ASTL: variants seen among roughly 807,000 people sequenced by gnomAD.
ASTL encodes astacin-like metalloendopeptidase.
A neutral mutation model predicts 36.7 loss-of-function variants in ASTL; 27 were observed. The ratio of observed to expected loss-of-function variants is 0.73; its 90% confidence interval spans 0.54 to 1.01. ASTL has a LOEUF of 1.01. Ranked by LOEUF, ASTL falls within the 50% of genes least tolerant of loss-of-function variation. The pLI, the probability that ASTL is intolerant of heterozygous loss-of-function variation, is 0.00. For synonymous variants in ASTL, 222 were observed against 228.1 expected, an observed-to-expected ratio of 0.97 and a Z score of 0.24; for missense variants, 524 against 572.8, an observed-to-expected ratio of 0.91 and a Z score of 0.87.
At position 96,122,906 on chromosome 2, in the gene ASTL, A is replaced by T. The variant is rs1681986693; in HGVS notation, c.*944T>A. Among the ~76,000 whole-genome samples, 1 of 152,214 alleles carries T rather than the reference A, an allele frequency of 6.6e-6. No homozygotes were observed. The highest frequency in any genetic ancestry group is 6.5e-5 in the Admixed American group (1 of 15,288). On this transcript the variant is annotated 3_prime_UTR_variant, in exon 9 of 9. Transcript: ENST00000342380. ...CAAGCAGGGCTTCCTTGACCCTCTG[A>T]AAGGCCACCAAAACAGTACCCTTGG...
At position 96,133,415 on chromosome 2, in the gene ASTL, C is replaced by T. The variant is rs1682226787; in HGVS notation, c.455+10G>A. The T allele has an allele frequency of 5.1e-6, 8 of 1,555,530 alleles. No homozygotes were observed. Among genetic ancestry groups the T allele is most frequent in the South Asian group, 3.3e-5 (3 of 89,930 alleles). ...CGAGCTGAGATACGCATCCTGGCCC[C>T]GGCACTTACCCATACATGGGGATGA... On this transcript the variant is annotated intron_variant, in intron 5 of 8. Coordinates refer to ENST00000342380, the MANE Select transcript of ASTL (RefSeq NM_001002036.4).
At chr2:96,137,866 C>A in intron 1 of ASTL, 166 bp from the exon 2 acceptor site, 1 of 668,124 alleles carries the variant, frequency 1.5e-6, no homozygotes, top group South Asian at 2.1e-5. Flanking sequence ...CCCTGCTCAA[C>A]CCCAACTGGT....
chr2:96,123,989 G>C lies in ASTL; in HGVS notation c.1157C>G (p.Ser386Cys), dbSNP rs1214745978. 1.2e-6 allele frequency: 2 copies of C among 1,614,050 alleles called. No homozygotes were observed. Among genetic ancestry groups the C allele is most frequent in the South Asian group, 2.2e-5 (2 of 91,082 alleles). Residue 386 changes from serine to cysteine, a missense_variant, in exon 9 of 9, where the codon TCC (serine) becomes TGC (cysteine). Physicochemically the swap from Ser to Cys is moderately radical, Grantham distance 112. Coordinates refer to ENST00000342380, the MANE Select transcript of ASTL (RefSeq NM_001002036.4). ...AGAPGVAQEQSWLAGVSTKPT... is the reference protein window; with the variant it reads ...AGAPGVAQEQCWLAGVSTKPT... ...CTTGGTGGACACTCCGGCCAGCCAG[G>C]ACTGCTCCTGAGCAACACCGGGGGC...
chr2:96,129,928 G>A lies in ASTL; in HGVS notation c.770C>T (p.Pro257Leu). 1 of 1,606,608 alleles carries A rather than the reference G, an allele frequency of 6.2e-7. No homozygotes were observed. The highest frequency in any genetic ancestry group is 8.5e-7 in the Non-Finnish European group (1 of 1,174,504). The stretch of plus-strand genomic sequence containing the variant: ...CCATCGCTGGCCGATGTGGACACTG[G>A]GGGCCCAAAGTGGTGTGATGGTGGG... Reference protein sequence around the residue: ...GLPTITPLWAPSVHIGQRWNL... With the variant: ...GLPTITPLWALSVHIGQRWNL... Residue 257 changes from proline (P) to leucine (L), a missense_variant, in exon 8 of 9, where the codon CCC becomes CTC. Transcript: ENST00000342380.
At chr2:96,131,105 T>C (rs1355821281) in intron 6 of ASTL, among the ~76,000 whole-genome samples, 4 of 152,236 alleles carry the variant, frequency 2.6e-5, no homozygotes, top group African/African-American at 9.6e-5. Context: ...TGTTTTATCA[T>C]TAGGAATAAT....
At chr2:96,137,354 C>T (rs1246618342) in intron 2 of ASTL, among the ~76,000 whole-genome samples, 1 of 152,188 alleles carries the variant, frequency 6.6e-6, no homozygotes, top group East Asian at 1.9e-4. Context: ...CCTGTAGTCC[C>T]AGCTGCTCGG....
rs987823487 is a variant in ASTL at position 96,123,838 on chromosome 2, G to A, written c.*12C>T. ...AGGATGCCCTCCCTACTTGGGGACA[G>A]AAGCCACAGGCTTAATCTTCGGACA... On this transcript the variant is annotated 3_prime_UTR_variant, in exon 9 of 9. Transcript: ENST00000342380. The A allele has an allele frequency of 1.2e-5, 20 of 1,607,244 alleles. No individual in the cohort carries two copies. The highest frequency in any genetic ancestry group is 1.5e-5 in the Non-Finnish European group (18 of 1,175,966).
chr2:96,125,626 C>A (rs982076771), intron 8 of ASTL, among the ~76,000 whole-genome samples: 12 of 152,210 alleles, frequency 7.9e-5, no homozygotes, highest in African/African-American at 2.4e-4. Flanking sequence ...ATTCCCTAGT[C>A]ATGGTAGTCA....
intron 8 of ASTL, among the ~76,000 whole-genome samples, chr2:96,129,066 ACT>A (rs1313394093): frequency 2.0e-5 from 3 of 151,784 alleles, no homozygotes; most frequent in African/African-American, 2.4e-5. Flanking sequence ...AAAAAAAATC[ACT>A]CTGTCAAGAT....
intron 3 of ASTL, 131 bp downstream of exon 3, chr2:96,135,220 C>A: frequency 1.5e-6 from 1 of 668,818 alleles, no homozygotes; most frequent in African/African-American, 1.8e-5. Context: ...CTGACCTTGA[C>A]AAAAAGAGGC....
At chr2:96,126,023 T>TG (rs1325425245) in intron 8 of ASTL, among the ~76,000 whole-genome samples, 1 of 152,166 alleles carries the variant, frequency 6.6e-6, no homozygotes, top group East Asian at 1.9e-4. Context: ...CCTTACACCC[T>TG]GTTCAAGGGT....
At chr2:96,130,944 T>C (rs1682165731) in intron 6 of ASTL, among the ~76,000 whole-genome samples, 1 of 152,184 alleles carries the variant, frequency 6.6e-6, no homozygotes, top group African/African-American at 2.4e-5. Flanking sequence ...GCTTCCTGAG[T>C]TCCCACCTCC....
Position 96,124,294 on chromosome 2 carries a change from T to C in ASTL, c.875-23A>G. On this transcript the variant is annotated intron_variant, in intron 8 of 8. Coordinates refer to ENST00000342380, the MANE Select transcript of ASTL (RefSeq NM_001002036.4). This position sits in a 1 kb window ranked among gnomAD's most constrained non-coding sequence, Gnocchi z 4.1. ...ACCCTGCAACAGAAAAGACAGGAGG[T>C]GGAACCTCAGAACTGTAGGATGACA... 1 of 1,497,762 alleles carries C rather than the reference T, an allele frequency of 6.7e-7. No homozygotes were observed. 92.8% of individuals were successfully genotyped at this position (1,497,762 alleles called of 1,614,324 possible).
rs183343699 is a variant in ASTL, at chr2:96,123,176, G to C, written c.*674C>G. Reference sequence around the variant, plus strand: ...CTGAGCTCCAGGGAATAGCGGTGTAGGGTGGAGACAACTGAGTCCTCTGTT... The same window carrying C: ...CTGAGCTCCAGGGAATAGCGGTGTACGGTGGAGACAACTGAGTCCTCTGTT... On this transcript the variant is annotated 3_prime_UTR_variant, in exon 9 of 9. Coordinates refer to ENST00000342380, the MANE Select transcript of ASTL (RefSeq NM_001002036.4). Among the ~76,000 whole-genome samples, 4 of 152,358 alleles carry C rather than the reference G, an allele frequency of 2.6e-5. No homozygotes were observed. Among genetic ancestry groups the C allele is most frequent in the Admixed American group, 2.0e-4 (3 of 15,310 alleles).
intron 7 of ASTL, 23 bp downstream of exon 7, chr2:96,130,041 G>C (rs1308294951): frequency 6.2e-7 from 1 of 1,613,554 alleles, no homozygotes; most frequent in Non-Finnish European, 8.5e-7. Context: ...GGAAGCAGAG[G>C]GAGAAGAAGG....
intron 4 of ASTL, 60 bp from the exon 5 acceptor site, chr2:96,133,602 GGGTCT>G: frequency 8.1e-7 from 1 of 1,233,890 alleles, no homozygotes; most frequent in Non-Finnish European, 1.2e-6. Flanking sequence ...CTCTACCTGA[GGGTCT>G]GGGAGCAGAG....
intron 2 of ASTL, among the ~76,000 whole-genome samples, chr2:96,137,188 G>A (rs889438259): frequency 6.6e-6 from 1 of 152,214 alleles, no homozygotes; most frequent in African/African-American, 2.4e-5. Context: ...CCTGCACAGG[G>A]TGGCTGACAA....
At chr2:96,130,664 C>G (rs768160788) in intron 6 of ASTL, among the ~76,000 whole-genome samples, 78 of 152,138 alleles carry the variant, frequency 5.1e-4, no homozygotes, top group Non-Finnish European at 8.2e-4. Flanking sequence ...TCACTCAAGT[C>G]CCCCAGGCCT....
chr2:96,138,523 C>A, upstream of ASTL: 1 of 1,158,468 alleles, frequency 8.6e-7, no homozygotes, highest in Non-Finnish European at 1.3e-6. Flanking sequence ...CCACCACCCC[C>A]TCTTAAATAG....
Sources: allele counts gnomAD v4.1 joint callset (sites outside exome capture counted in the v4.1 genomes callset), GRCh38; gene constraint gnomAD v4.1.1; non-coding constraint Gnocchi (gnomAD v3.1); transcripts MANE v1.5; gene names NCBI Gene and HGNC (gene_info 2026-07-23, HGNC 2026-07-21).